Variants in ID2 observed in about 807,000 individuals in gnomAD.
ID2 encodes DNA-binding protein inhibitor ID-2.
Under a neutral mutation model 8.3 loss-of-function variants are expected in ID2, and 2 were observed. The observed-to-expected ratio is 0.24, with a 90% CI of 0.10 to 0.76. The LOEUF (loss-of-function observed/expected upper bound fraction) is 0.76, where lower values mean the gene tolerates loss of function less well. Among genes scored for constraint, ID2 ranks in the 30% least tolerant of loss-of-function variants. ID2 has a pLI of 0.73. For synonymous variants in ID2, 112 were observed against 72.3 expected (o/e 1.55, Z -2.79); for missense variants, 155 against 167.0 (o/e 0.93, Z 0.40).
chr2:8,683,010 A>G, intron 2 of ID2, 104 bp downstream of exon 2: 1 of 868,370 alleles, frequency 1.2e-6, no homozygotes, highest in Non-Finnish European at 2.0e-6. Flanking sequence ...CTGATTTGGT[A>G]AATGCATGCT....
In ID2 at chr2:8,684,124, A is replaced by G. The variant is rs1572357785; in HGVS notation, c.*447A>G. 1 of 152,244 alleles carries G rather than the reference A, an allele frequency of 6.6e-6. No individual in the cohort carries two copies. Among genetic ancestry groups the G allele is most frequent in the Non-Finnish European group, 1.5e-5 (1 of 68,042 alleles). 9.4% of individuals were successfully genotyped at this position (152,244 alleles called of 1,614,324 possible). On this transcript the variant is annotated 3_prime_UTR_variant, in exon 3 of 3. Transcript: ENST00000396290. ...CACAAGCCTACTGAATGCTGTGTAT[A>G]TATTTATATATAAATATATCTATTT...
In ID2 at chr2:8,684,431, T is replaced by C. The variant is rs1572357965; in HGVS notation, c.*754T>C. The C allele has an allele frequency of 6.6e-6, 1 of 151,730 alleles. No individual in the cohort carries two copies. The highest frequency in any genetic ancestry group is 2.4e-5 in the African/African-American group (1 of 41,114). 9.4% of individuals were successfully genotyped at this position (151,730 alleles called of 1,614,324 possible). On this transcript the variant is annotated 3_prime_UTR_variant, in exon 3 of 3. Transcript: ENST00000396290. The stretch of plus-strand genomic sequence containing the variant: ...AATTTATGTAGACTGTATAAGATTA[T>C]AATAAAACATGTCTGAAGTCAATAC...
intron 2 of ID2, 131 bp downstream of exon 2, chr2:8,683,037 C>G (rs1330317236): frequency 1.2e-5 from 9 of 750,884 alleles, no homozygotes; most frequent in Non-Finnish European, 2.2e-5. Context: ...GCGGTGTTAC[C>G]CGTACTACAT....
chr2:8,682,928 C>G (rs1269176740), intron 2 of ID2, 22 bp downstream of exon 2: 2 of 1,603,240 alleles, frequency 1.2e-6, no homozygotes, highest in South Asian at 2.2e-5. Context: ...CTTGTGCCAC[C>G]CGTGGGTAAA....
chr2:8,682,131 G>C lies in ID2; in HGVS notation c.-35G>C, dbSNP rs1451775196. ...GGCGGCCTGAGCTTCAGGGCAGCCA[G>C]CTCCCTCCCGGTCTCGCCTTCCCTC... is the stretch of plus-strand genomic sequence containing the variant. On this transcript the variant is annotated 5_prime_UTR_variant, in exon 1 of 3. Transcript: ENST00000396290. 1 of 1,561,884 alleles carries C rather than the reference G, an allele frequency of 6.4e-7. No individual in the cohort carries two copies. The highest frequency in any genetic ancestry group is 1.1e-5 in the South Asian group (1 of 89,340).
chr2:8,682,695 G>A (rs1662115334), intron 1 of ID2, 148 bp from the exon 2 acceptor site: 1 of 731,272 alleles, frequency 1.4e-6, no homozygotes, highest in South Asian at 1.7e-5. Context: ...ACATGTTAAT[G>A]CGTCTGTCTT....
rs1411516660 is a variant in ID2, at chr2:8,682,854, C to T, written c.360C>T (p.Phe120=). 2 of 1,612,544 alleles carry T rather than the reference C, an allele frequency of 1.2e-6. No homozygotes were observed. The highest frequency in any genetic ancestry group is 1.7e-5 in the Admixed American group (1 of 60,000). The change falls in exon 2 of 3, where the codon TTC becomes TTT. Residue 120 remains phenylalanine, a synonymous_variant. Transcript: ENST00000396290. ...CTCTTTCTTTCCAGGCTTCTGAATTCCCTTCTGAGTTAATGTCAAATGACA... is the reference window on the plus strand; with the variant it reads ...CTCTTTCTTTCCAGGCTTCTGAATTTCCTTCTGAGTTAATGTCAAATGACA... ...ISILSLQASE[F]PSELMSNDSK... is the part of the protein sequence containing the mutation.
rs762681427 is a variant in ID2, at chr2:8,682,222, C to T, written c.57C>T (p.Ser19=). The T allele has an allele frequency of 2.1e-5, 34 of 1,613,944 alleles. No homozygotes were observed. The highest frequency in any genetic ancestry group is 2.8e-5 in the Non-Finnish European group (33 of 1,180,044). The change falls in exon 1 of 3, where the codon AGC becomes AGT. Residue 19 remains serine, a synonymous_variant. Transcript: ENST00000396290. ...GGAAAAACAGCCTGTCGGACCACAG[C>T]CTGGGCATCTCCCGGAGCAAAACCC... The part of the protein sequence containing the change: ...SVRKNSLSDH[S]LGISRSKTPV...
chr2:8,682,987 A>G (rs1662130655), intron 2 of ID2, 81 bp downstream of exon 2: 20 of 1,013,606 alleles, frequency 2.0e-5, no homozygotes, highest in Middle Eastern at 2.0e-4. Context: ...TTGCTTGTGT[A>G]TCTATAAAAT....
rs1490231513 is a variant in ID2 at position 8,682,248 on chromosome 2, C to T, written c.83C>T (p.Pro28Leu). 3.1e-6 allele frequency: 5 copies of T among 1,614,140 alleles called. No individual in the cohort carries two copies. The highest frequency in any genetic ancestry group is 1.1e-5 in the South Asian group (1 of 91,078). The part of the protein sequence containing the change: ...HSLGISRSKT[P>L]VDDPMSLLYN... The stretch of plus-strand genomic sequence containing the variant: ...CTGGGCATCTCCCGGAGCAAAACCC[C>T]TGTGGACGACCCGATGAGCCTGCTA... Residue 28 changes from proline to leucine, a missense_variant, in exon 1 of 3, where the codon CCT becomes CTT. Coordinates refer to ENST00000396290, the MANE Select transcript of ID2 (RefSeq NM_002166.5).
At position 8,682,885 on chromosome 2, in the gene ID2, G is replaced by T; in HGVS notation, c.391G>T (p.Ala131Ser). Residue 131 changes from alanine to serine, a missense_variant, in exon 2 of 3, where the codon GCA becomes TCA. By Grantham distance (99) the Ala-to-Ser change is moderately conservative. Coordinates refer to ENST00000396290, the MANE Select transcript of ID2 (RefSeq NM_002166.5). ...TGAGTTAATGTCAAATGACAGCAAA[G>T]CACTGTGTGGCTGAATAAGCGGTGA... ...PSELMSNDSK[A>S]LCG 6.2e-7 allele frequency: 1 copy of T among 1,613,824 alleles called. No individual in the cohort carries two copies. The highest frequency in any genetic ancestry group is 8.5e-7 in the Non-Finnish European group (1 of 1,179,800).
At chr2:8,682,576 A>T in intron 1 of ID2, 63 bp downstream of exon 1, 1 of 1,215,592 alleles carries the variant, frequency 8.2e-7, no homozygotes. Context: ...CTGGGCTGTC[A>T]CTAGGAGATC....
At position 8,682,430 on chromosome 2, in the gene ID2, C is replaced by T; in HGVS notation, c.265C>T (p.His89Tyr). 1.2e-6 allele frequency: 2 copies of T among 1,613,812 alleles called. No individual in the cohort carries two copies. Among genetic ancestry groups the T allele is most frequent in the South Asian group, 1.1e-5 (1 of 91,088 alleles). The stretch of plus-strand genomic sequence containing the variant: ...CTCGCATCCCACTATTGTCAGCCTG[C>T]ATCACCAGAGACCCGGGCAGAACCA... Reference protein sequence around the residue: ...LDSHPTIVSLHHQRPGQNQAS... With the variant: ...LDSHPTIVSLYHQRPGQNQAS... Residue 89 changes from histidine to tyrosine, a missense_variant, in exon 1 of 3, where the codon CAT (histidine) becomes TAT (tyrosine). Around this residue, in one of 3 missense-constraint regions of ID2, gnomAD observed 75 missense variants for 72.2 expected, o/e 1.04. Coordinates refer to ENST00000396290, the MANE Select transcript of ID2 (RefSeq NM_002166.5).
rs1339606554 is a variant in ID2 at position 8,682,060 on chromosome 2, T to G, written c.-106T>G. 3 of 867,726 alleles carry G rather than the reference T, an allele frequency of 3.5e-6. No individual in the cohort carries two copies. Among genetic ancestry groups the G allele is most frequent in the East Asian group, 5.0e-5 (2 of 39,772 alleles). The allele number at this position is 867,726 out of a possible 1,614,324, so 53.8% of individuals were successfully genotyped here. A position where few individuals can be genotyped will look rare whatever the true frequency, so the allele number is the denominator to read the frequency against. ...GCCCCGCCGGGCTCGGGCTTCATTC[T>G]GAGCCGAGCCCGGTGCCAAGCGCAG... is the stretch of plus-strand genomic sequence containing the variant. On this transcript the variant is annotated 5_prime_UTR_variant, in exon 1 of 3. Transcript: ENST00000396290.
intron 2 of ID2, among the ~76,000 whole-genome samples, chr2:8,683,423 A>G (rs2306067): frequency 0.046 from 7,028 of 152,342 alleles, 315 homozygotes; most frequent in East Asian, 0.23. Context: ...TACGAGAAGC[A>G]GACTGGCGCC....
chr2:8,683,410 T>C (rs1385536392), intron 2 of ID2, among the ~76,000 whole-genome samples: 1 of 152,212 alleles, frequency 6.6e-6, no homozygotes, highest in East Asian at 1.9e-4. Context: ...ATCAAATAAT[T>C]GTTACGAGAA....
rs531625791 is a variant in ID2 at position 8,682,089 on chromosome 2, G to T, written c.-77G>T. 18 of 1,214,110 alleles carry T rather than the reference G, an allele frequency of 1.5e-5. No individual in the cohort carries two copies. The highest frequency in any genetic ancestry group is 1.1e-4 in the Admixed American group (6 of 53,116). The allele number at this position is 1,214,110 out of a possible 1,614,324, so 75.2% of individuals were successfully genotyped here. ...CCGAGCCCGGTGCCAAGCGCAGCTA[G>T]CTCAGCAGGCGGCAGCGGCGGCCTG... On this transcript the variant is annotated 5_prime_UTR_variant, in exon 1 of 3. Transcript: ENST00000396290.
At chr2:8,683,158 G>T (rs1160431864) in intron 2 of ID2, among the ~76,000 whole-genome samples, 2 of 152,182 alleles carry the variant, frequency 1.3e-5, no homozygotes, top group Admixed American at 1.3e-4. Flanking sequence ...GCCGAGGAAC[G>T]TGTGTATTGG....
At position 8,682,779 on chromosome 2, in the gene ID2, A is replaced by C. The variant is rs534681364; in HGVS notation, c.349-64A>C. On this transcript the variant is annotated intron_variant, in intron 1 of 2. Coordinates refer to ENST00000396290, the MANE Select transcript of ID2 (RefSeq NM_002166.5). ...GTGGACTACAAAAAAAAAAAAAAAA[A>C]AAAAAAAACCCTTTCTACTTAACAT... The C allele has an allele frequency of 2.5e-5, 32 of 1,260,354 alleles. No homozygotes were observed. The East Asian group carries it at 2.5e-4, about 10-fold the overall frequency. 78.1% of individuals were successfully genotyped at this position (1,260,354 alleles called of 1,614,324 possible). A position where few individuals can be genotyped will look rare whatever the true frequency, so the allele number is the denominator to read the frequency against.
Sources: gnomAD v4.1 joint callset for allele counts (sites outside exome capture counted in the v4.1 genomes callset) on GRCh38, gnomAD v4.1.1 for gene constraint, gnomAD v4.1.1 regional missense constraint, MANE v1.5 for transcripts, NCBI Gene and HGNC (gene_info 2026-07-23, HGNC 2026-07-21) for gene names.